The following TNFSF11 variants were observed in gnomAD, a reference collection of about 807,000 sequenced individuals.
TNFSF11 encodes the protein TNF superfamily member 11.
In TNFSF11, 12 loss-of-function variants were observed where a neutral mutation model predicts 32.2. The ratio of observed to expected loss-of-function variants is 0.37; its 90% CI spans 0.24 to 0.60. The LOEUF is 0.60. TNFSF11 is among the 20% of genes least tolerant of loss of function. The pLI is 0.66. For missense variants in TNFSF11, 345 were observed against 398.0 expected (o/e 0.87, Z 1.13); for synonymous variants, 172 against 152.1 (o/e 1.13, Z -0.96).
At chr13:42,585,194 G>A (rs1167226000) in intron 2 of TNFSF11, among the ~76,000 whole-genome samples, 1 of 152,074 alleles carries the variant, frequency 6.6e-6, no homozygotes, top group East Asian at 1.9e-4. Flanking sequence ...CATTTCTCTT[G>A]CCAATGCTAA....
Position 42,606,563 on chromosome 13 carries a change from C to T in TNFSF11, c.599C>T (p.Thr200Ile), listed in dbSNP as rs1645471475. ...DRGWAKISNM[T>I]FSNGKLIVNQ... ...GGTTGGGCCAAGATCTCCAACATGA[C>T]TTTTAGCAATGGAAAACTAATAGTT... Residue 200 changes from threonine (T) to isoleucine (I), a missense_variant, in exon 5 of 5, where the codon ACT (threonine) becomes ATT (isoleucine). Around this residue, in one of 2 missense-constraint regions of TNFSF11, gnomAD observed 148 missense variants for 216.0 expected, o/e 0.69. Transcript: ENST00000398795. 1 of 1,614,054 alleles carries T rather than the reference C, an allele frequency of 6.2e-7. No individual in the cohort carries two copies. The highest frequency in any genetic ancestry group is 1.3e-5 in the African/African-American group (1 of 74,910).
upstream of TNFSF11, among the ~76,000 whole-genome samples, chr13:42,569,547 C>A (rs868849419): frequency 4.2e-4 from 57 of 134,190 alleles, no homozygotes; most frequent in South Asian, 5.0e-4. Flanking sequence ...CACTCTGTCT[C>A]AAAAAAAAAA....
intron 1 of TNFSF11, among the ~76,000 whole-genome samples, chr13:42,577,459 C>CTA (rs1450208533): frequency 3.9e-5 from 6 of 151,900 alleles, no homozygotes; most frequent in Non-Finnish European, 1.5e-5. Context: ...GTGGCTTCTG[C>CTA]TATATATTTA....
rs964452267 is a variant in TNFSF11, at chr13:42,606,337, GA to G, written c.533-158del. Among the ~76,000 whole-genome samples the G allele has an allele frequency of 9.1e-4, 139 of 152,304 alleles. 2 individuals carry two copies. The highest frequency in any genetic ancestry group is 1.1e-3 in the Non-Finnish European group (72 of 68,016). Reference sequence around the variant, plus strand: ...CTAACAGAATGCACCAAGTACATCTGAATGTATTCTCCCCTTCTAGAAAAGA... The same window carrying G: ...CTAACAGAATGCACCAAGTACATCTGATGTATTCTCCCCTTCTAGAAAAGA... On this transcript the variant is annotated intron_variant, in intron 4 of 4. Coordinates refer to ENST00000398795, the MANE Select transcript of TNFSF11 (RefSeq NM_003701.4).
chr13:42,594,559 A>G (rs1868690635), intron 2 of TNFSF11, among the ~76,000 whole-genome samples: 1 of 152,226 alleles, frequency 6.6e-6, no homozygotes, highest in Non-Finnish European at 1.5e-5. Context: ...AATTGCCTGA[A>G]GCAAAATTCC....
At chr13:42,581,076 G>A (rs199710728) in intron 1 of TNFSF11, 50 bp from the exon 2 acceptor site, 4 of 1,599,936 alleles carry the variant, frequency 2.5e-6, no homozygotes, top group African/African-American at 2.7e-5. Context: ...TTAAATAGCA[G>A]GATGACTAGT....
At chr13:42,603,027 T>C (rs633137) in intron 4 of TNFSF11, among the ~76,000 whole-genome samples, 13,483 of 152,186 alleles carry the variant, frequency 0.089, 676 homozygotes, top group African/African-American at 0.15. Flanking sequence ...TTTAAGAAAA[T>C]AGAATTTGTG....
At chr13:42,593,026 GA>G (rs1276120902) in intron 2 of TNFSF11, among the ~76,000 whole-genome samples, 1 of 152,074 alleles carries the variant, frequency 6.6e-6, no homozygotes, top group Non-Finnish European at 1.5e-5. Flanking sequence ...ATAGCAGTGT[GA>G]AAACAGACTA....
intron 2 of TNFSF11, among the ~76,000 whole-genome samples, chr13:42,593,649 G>A (rs768651830): frequency 6.6e-6 from 1 of 152,226 alleles, no homozygotes; most frequent in Non-Finnish European, 1.5e-5. Context: ...TAACTCGGCT[G>A]ATGAATGCAC....
intron 2 of TNFSF11, among the ~76,000 whole-genome samples, chr13:42,589,052 G>C (rs1403449648): frequency 2.0e-5 from 3 of 152,088 alleles, no homozygotes; most frequent in Non-Finnish European, 4.4e-5. Flanking sequence ...CGGTGGTGGT[G>C]GTGGTACCAG....
At position 42,566,382 on chromosome 13, in the gene TNFSF11, T is replaced by C. The variant is rs573403175; in HGVS notation, c.-301-239T>C. Among the ~76,000 whole-genome samples the C allele has an allele frequency of 2.6e-5, 4 of 152,108 alleles. No homozygotes were observed. The South Asian group carries it at 8.3e-4, about 32-fold the overall frequency. The stretch of plus-strand genomic sequence containing the variant: ...GGGGACTGACACCAATGGACATTGG[T>C]AGGAAAAGAAGGGTCAGGTATCACC... On this transcript the variant is annotated intron_variant, in intron 1 of 6. Transcript: ENST00000358545.
chr13:42,586,232 C>A (rs1437648487), intron 2 of TNFSF11, among the ~76,000 whole-genome samples: 1 of 152,184 alleles, frequency 6.6e-6, no homozygotes, highest in Non-Finnish European at 1.5e-5. Flanking sequence ...AGGACAAGGG[C>A]CACAGCCATT....
intron 2 of TNFSF11, 28 bp downstream of exon 2, chr13:42,581,321 A>G: frequency 6.2e-7 from 1 of 1,613,344 alleles, no homozygotes; most frequent in Non-Finnish European, 8.5e-7. Context: ...CTGATAAGTC[A>G]AGGGCCCTTG....
intron 1 of TNFSF11, among the ~76,000 whole-genome samples, chr13:42,578,656 A>G (rs1253261079): frequency 2.0e-5 from 3 of 152,084 alleles, no homozygotes; most frequent in Middle Eastern, 3.2e-3. Context: ...TCAACTGCAC[A>G]TTGAAAGTAT....
At position 42,574,152 on chromosome 13, in the gene TNFSF11, G is replaced by T; in HGVS notation, c.-152G>T. The stretch of plus-strand genomic sequence containing the variant: ...AAGAGTTGGGGCTGCCGGGCGCCCT[G>T]CCCGCTCGCCCGCGCGCCCCAGGAC... On this transcript the variant is annotated 5_prime_UTR_variant, in exon 1 of 5. Transcript: ENST00000398795. The T allele has an allele frequency of 2.9e-6, 3 of 1,035,448 alleles. No individual in the cohort carries two copies. In the South Asian group the frequency reaches 4.5e-5, roughly 15 times the overall value. 64.1% of individuals were successfully genotyped at this position (1,035,448 alleles called of 1,614,324 possible). A position where few individuals can be genotyped will look rare whatever the true frequency, so the allele number is the denominator to read the frequency against.
chr13:42,569,557 AAAAAG>A (rs754111923), upstream of TNFSF11, among the ~76,000 whole-genome samples: 1,552 of 67,414 alleles, frequency 0.023, 18 homozygotes, highest in Non-Finnish European at 0.035. Context: ...CAAAAAAAAA[AAAAAG>A]AAAAGAAAAG....
intron 1 of TNFSF11, among the ~76,000 whole-genome samples, chr13:42,564,585 C>A (rs966237792): frequency 2.0e-5 from 3 of 151,680 alleles, no homozygotes; most frequent in African/African-American, 7.3e-5. Flanking sequence ...AAAAAAAATT[C>A]TTGTCTACTA....
At chr13:42,577,380 A>T (rs1264812019) in intron 1 of TNFSF11, among the ~76,000 whole-genome samples, 1 of 152,240 alleles carries the variant, frequency 6.6e-6, no homozygotes, top group African/African-American at 2.4e-5. Context: ...AGATGTAAAA[A>T]ATACATATCT....
intron 2 of TNFSF11, among the ~76,000 whole-genome samples, chr13:42,600,401 A>G (rs1158431525): frequency 2.0e-5 from 3 of 152,230 alleles, no homozygotes; most frequent in Non-Finnish European, 4.4e-5. Flanking sequence ...TATTCTGTGT[A>G]GTTGTTATTT....
Sources: allele counts gnomAD v4.1 joint callset (sites outside exome capture counted in the v4.1 genomes callset), GRCh38; gene constraint gnomAD v4.1.1; regional missense constraint gnomAD v4.1.1; transcripts MANE v1.5; gene names NCBI Gene and HGNC (gene_info 2026-07-23, HGNC 2026-07-21).